The following LYZL4 variants were observed in gnomAD, a reference collection of about 807,000 sequenced individuals.
The protein encoded by LYZL4 is lysozyme-like protein 4.
LYZL4 carries 13 observed loss-of-function variants against 17.6 expected under a neutral mutation model. The observed-to-expected ratio is 0.74, with a 90% confidence interval of 0.48 to 1.18. The LOEUF (loss-of-function observed/expected upper bound fraction) is 1.18, where lower values mean the gene tolerates loss of function less well. Ranked by LOEUF, LYZL4 falls within the 50% of genes most tolerant of loss-of-function variation. The probability of loss-of-function intolerance (pLI) is 0.00; values close to 1 mark genes in which losing one functional copy is unlikely to be tolerated. For missense variants in LYZL4, 174 were observed against 188.2 expected (o/e 0.92, Z 0.44); for synonymous variants, 64 against 67.7 (o/e 0.95, Z 0.27).
At chr3:42,386,242 A>T in the LYZL4 span, among the ~76,000 whole-genome samples, 2 of 152,194 alleles carry the variant, frequency 1.3e-5, no homozygotes, top group Admixed American at 1.3e-4. Context: ...AGCTGGGATT[A>T]CAGGCACCTG....
At chr3:42,386,406 CCCCCCCG>C in the LYZL4 span, among the ~76,000 whole-genome samples, 1 of 134,742 alleles carries the variant, frequency 7.4e-6, no homozygotes, top group African/African-American at 2.7e-5. Flanking sequence ...CCCCCCCCCC[CCCCCCCG>C]CCTCCCTCTT....
At position 42,404,352 on chromosome 3, in the gene LYZL4, A is replaced by G. The variant is rs569525801; in HGVS notation, c.293-228T>C. On this transcript the variant is annotated intron_variant, in intron 3 of 4. Transcript: ENST00000287748. ...TTGTAATTCTTATAAAATTTTTTCCATTAAAATATATTGATTAGGCTACAG... is the reference window on the plus strand; with the variant it reads ...TTGTAATTCTTATAAAATTTTTTCCGTTAAAATATATTGATTAGGCTACAG... Among the ~76,000 whole-genome samples, 5 of 152,248 alleles carry G rather than the reference A, an allele frequency of 3.3e-5. No individual in the cohort carries two copies. The East Asian group carries it at 9.7e-4, about 29-fold the overall frequency.
chr3:42,385,634 C>T, the LYZL4 span, among the ~76,000 whole-genome samples: 5 of 152,150 alleles, frequency 3.3e-5, no homozygotes, highest in Admixed American at 6.5e-5. Flanking sequence ...CCATGGGAGG[C>T]CCTGTGGGAT....
downstream of LYZL4, among the ~76,000 whole-genome samples, chr3:42,392,870 A>G (rs990017341): frequency 6.6e-6 from 1 of 152,190 alleles, no homozygotes; most frequent in Admixed American, 6.5e-5. Context: ...TGGTGGAGTT[A>G]CTAGTAATGG....
In LYZL4 at chr3:42,397,224, C is replaced by A. The variant is rs1698563354; in HGVS notation, c.*41G>T. On this transcript the variant is annotated 3_prime_UTR_variant, in exon 5 of 5. Coordinates refer to ENST00000287748, the MANE Select transcript of LYZL4 (RefSeq NM_144634.4). The stretch of plus-strand genomic sequence containing the variant: ...GCAAGCAGAAAAGCACCTTCATTCA[C>A]AAGATGCAACTGGTGAGTGCTGCAG... 2 of 1,393,602 alleles carry A rather than the reference C, an allele frequency of 1.4e-6. No individual in the cohort carries two copies. Among genetic ancestry groups the A allele is most frequent in the Non-Finnish European group, 2.0e-6 (2 of 1,007,658 alleles). 86.3% of individuals were successfully genotyped at this position (1,393,602 alleles called of 1,614,324 possible). A position where few individuals can be genotyped will look rare whatever the true frequency, so the allele number is the denominator to read the frequency against.
the LYZL4 span, among the ~76,000 whole-genome samples, chr3:42,383,665 A>G: frequency 2.6e-5 from 4 of 152,250 alleles, no homozygotes; most frequent in African/African-American, 7.2e-5. Context: ...AGAAAAAACC[A>G]GAATTGCATC....
At chr3:42,406,469 A>AG (rs1698753642) in intron 3 of LYZL4, among the ~76,000 whole-genome samples, 1 of 149,000 alleles carries the variant, frequency 6.7e-6, no homozygotes, top group Non-Finnish European at 1.5e-5. Flanking sequence ...AAAAAAAAAA[A>AG]AAAAAAAAAA....
Position 42,405,059 on chromosome 3 carries a change from T to C in LYZL4, c.293-935A>G, listed in dbSNP as rs148028137. Reference sequence around the variant, plus strand: ...ACTTACACAAGCTCATGTCGTTCTTTTTTTTTTGAGAGGGATTCTCGCTCT... The same window carrying C: ...ACTTACACAAGCTCATGTCGTTCTTCTTTTTTTGAGAGGGATTCTCGCTCT... On this transcript the variant is annotated intron_variant, in intron 3 of 4. Transcript: ENST00000287748. 8.7e-3 allele frequency among the ~76,000 whole-genome samples: 1,319 copies of C among 152,208 alleles called. 7 individuals are homozygous for C. Among genetic ancestry groups the C allele is most frequent in the Non-Finnish European group, 0.013 (917 of 67,992 alleles).
the LYZL4 span, among the ~76,000 whole-genome samples, chr3:42,389,794 C>T: frequency 6.6e-6 from 1 of 152,136 alleles, no homozygotes; most frequent in Admixed American, 6.5e-5. Context: ...CCAGTAGGTG[C>T]CTTCCTACTT....
chr3:42,401,260 G>A (rs1194847234), intron 4 of LYZL4, among the ~76,000 whole-genome samples: 1 of 152,062 alleles, frequency 6.6e-6, no homozygotes, highest in African/African-American at 2.4e-5. Context: ...GCCCAGGCTG[G>A]AGTACAGTCA....
chr3:42,379,031 C>T, the LYZL4 span, among the ~76,000 whole-genome samples: 1 of 152,020 alleles, frequency 6.6e-6, no homozygotes, highest in Admixed American at 6.5e-5. Flanking sequence ...AAAACTGCAG[C>T]TGGTGACTCT....
chr3:42,377,623 C>CTGTGTGTGTG, the LYZL4 span, among the ~76,000 whole-genome samples: 1 of 92,530 alleles, frequency 1.1e-5, no homozygotes, highest in African/African-American at 4.8e-5. Flanking sequence ...ATGCATGACT[C>CTGTGTGTGTG]TCTGTGTGTG....
chr3:42,361,461 T>A, the LYZL4 span, among the ~76,000 whole-genome samples: 1 of 152,142 alleles, frequency 6.6e-6, no homozygotes, highest in African/African-American at 2.4e-5. Flanking sequence ...TATATTGTAT[T>A]CTATATAATT....
intron 3 of LYZL4, 147 bp downstream of exon 3, chr3:42,406,699 A>T: frequency 2.1e-6 from 2 of 941,844 alleles, no homozygotes; most frequent in Non-Finnish European, 3.2e-6. Context: ...TGCAATGCTC[A>T]GCCTCCCAGG....
chr3:42,378,967 C>A, the LYZL4 span, among the ~76,000 whole-genome samples: 1 of 152,072 alleles, frequency 6.6e-6, no homozygotes, highest in Non-Finnish European at 1.5e-5. Flanking sequence ...GAGTCCAGAG[C>A]TTAAGTGCTT....
the LYZL4 span, among the ~76,000 whole-genome samples, chr3:42,379,073 A>T: frequency 6.6e-6 from 1 of 152,108 alleles, no homozygotes; most frequent in African/African-American, 2.4e-5. Flanking sequence ...AAGCCACTCC[A>T]AACTGAGTGG....
the LYZL4 span, among the ~76,000 whole-genome samples, chr3:42,385,731 C>T: frequency 1.3e-5 from 2 of 152,154 alleles, no homozygotes; most frequent in Non-Finnish European, 2.9e-5. Flanking sequence ...ATGCTCTAAG[C>T]CTCAGCTTCC....
At chr3:42,406,798 G>A (rs1258989028) in intron 3 of LYZL4, 48 bp downstream of exon 3, 3 of 1,606,356 alleles carry the variant, frequency 1.9e-6, no homozygotes, top group Admixed American at 1.7e-5. Flanking sequence ...CTCTAACACA[G>A]CACCATAGCC....
At chr3:42,377,750 A>G in the LYZL4 span, among the ~76,000 whole-genome samples, 1 of 152,000 alleles carries the variant, frequency 6.6e-6, no homozygotes, top group South Asian at 2.1e-4. Flanking sequence ...TTTCACCCCA[A>G]GTCATACATG....
Sources: allele counts gnomAD v4.1 joint callset (sites outside exome capture counted in the v4.1 genomes callset), GRCh38; gene constraint gnomAD v4.1.1; transcripts MANE v1.5; gene names NCBI Gene and HGNC (gene_info 2026-07-23, HGNC 2026-07-21).